DCHS2: variants seen among roughly 807,000 people sequenced by gnomAD.
The protein encoded by DCHS2 is protocadherin-23.
DCHS2 carries 142 observed loss-of-function variants against 182.4 expected under a neutral mutation model. That is an observed-to-expected ratio of 0.78 (90% confidence interval 0.68 to 0.89). The LOEUF is 0.89. Ranked by LOEUF, DCHS2 falls within the 40% of genes least tolerant of loss-of-function variation. DCHS2 has a pLI of 0.00. For synonymous variants in DCHS2, 1,740 were observed against 1,663.3 expected (o/e 1.05, Z -1.12); for missense variants, 4,319 against 4,198.6 (o/e 1.03, Z -0.79).
At chr4:154,249,529 A>C (rs2111132483) in intron 16 of DCHS2, among the ~76,000 whole-genome samples, 1 of 152,296 alleles carries the variant, frequency 6.6e-6, no homozygotes, top group East Asian at 1.9e-4. Context: ...CAAAGAACTT[A>C]CCACAGAGTG....
chr4:154,402,220 A>C (rs113287036), intron 1 of DCHS2, among the ~76,000 whole-genome samples: 1 of 152,136 alleles, frequency 6.6e-6, no homozygotes, highest in South Asian at 2.1e-4. Context: ...CTGCACTCTA[A>C]TTCTGTTCCA....
Position 154,491,279 on chromosome 4 carries a change from G to C in DCHS2, c.77C>G (p.Pro26Arg). The C allele has an allele frequency of 6.5e-7, 1 of 1,549,870 alleles. No individual in the cohort carries two copies. Among genetic ancestry groups the C allele is most frequent in the Non-Finnish European group, 8.7e-7 (1 of 1,145,904 alleles). ...CCCATGGGGTGTATCTCTCCTCCCG[G>C]GGAGCAGAAGGAGCTTCCCGACCGG... ...RAPVGKLLLL[P>R]GRRDTPHGRS... Residue 26 changes from proline to arginine, a missense_variant, in exon 1 of 20, where the codon CCC becomes CGC. Physicochemically the swap from Pro to Arg is moderately radical, Grantham distance 103. Coordinates refer to ENST00000357232, the MANE Select transcript of DCHS2 (RefSeq NM_001358235.2).
At chr4:154,399,654 CAAGGA>C (rs1732076062) in intron 1 of DCHS2, among the ~76,000 whole-genome samples, 1 of 152,166 alleles carries the variant, frequency 6.6e-6, no homozygotes, top group Admixed American at 6.5e-5. Context: ...TTTAATATTT[CAAGGA>C]AATACAAGAC....
chr4:154,424,064 T>C (rs763782609), intron 1 of DCHS2, among the ~76,000 whole-genome samples: 5 of 152,212 alleles, frequency 3.3e-5, no homozygotes, highest in Non-Finnish European at 5.9e-5. Flanking sequence ...AACAAATGCT[T>C]GATGAATTAG....
intron 14 of DCHS2, among the ~76,000 whole-genome samples, chr4:154,263,204 T>C (rs1733068884): frequency 6.6e-6 from 1 of 152,122 alleles, no homozygotes; most frequent in South Asian, 2.1e-4. Flanking sequence ...AGAAAACCTA[T>C]ACAATTAGAT....
intron 1 of DCHS2, among the ~76,000 whole-genome samples, chr4:154,455,762 A>G (rs1338698109): frequency 6.6e-6 from 1 of 152,226 alleles, no homozygotes; most frequent in Non-Finnish European, 1.5e-5. Flanking sequence ...TGGCCACAAA[A>G]GATTACCATG....
At chr4:154,448,788 C>T (rs921621220) in intron 1 of DCHS2, among the ~76,000 whole-genome samples, 2 of 152,172 alleles carry the variant, frequency 1.3e-5, no homozygotes, top group Non-Finnish European at 2.9e-5. Flanking sequence ...GTTTGTTTGC[C>T]GAATGAATTT....
chr4:154,462,546 T>A (rs942076941), intron 1 of DCHS2, among the ~76,000 whole-genome samples: 6 of 152,086 alleles, frequency 3.9e-5, no homozygotes, highest in African/African-American at 1.4e-4. Context: ...GACAGAAGAG[T>A]TGGAAATGGT....
chr4:154,332,211 G>A (rs1218303148), intron 5 of DCHS2, among the ~76,000 whole-genome samples: 1 of 152,226 alleles, frequency 6.6e-6, no homozygotes, highest in East Asian at 1.9e-4. Flanking sequence ...AGATGGGGAT[G>A]TGATGCAGGG....
At chr4:154,256,408 A>G (rs1578866459) in intron 15 of DCHS2, among the ~76,000 whole-genome samples, 1 of 152,066 alleles carries the variant, frequency 6.6e-6, no homozygotes, top group African/African-American at 2.4e-5. Context: ...GTGCTGGGAT[A>G]ACAGGTGTGA....
At chr4:154,415,128 G>A (rs545577349) in intron 1 of DCHS2, among the ~76,000 whole-genome samples, 2 of 152,260 alleles carry the variant, frequency 1.3e-5, no homozygotes, top group African/African-American at 2.4e-5. Context: ...AAGACCGGGA[G>A]GGACCTGATA....
chr4:154,402,506 G>C (rs146376201), intron 1 of DCHS2, among the ~76,000 whole-genome samples: 65 of 152,318 alleles, frequency 4.3e-4, no homozygotes, highest in African/African-American at 1.5e-3. Context: ...ATATTAGTCT[G>C]TTCTCACACT....
chr4:154,326,660 C>T (rs922873935), intron 7 of DCHS2, among the ~76,000 whole-genome samples: 2 of 152,108 alleles, frequency 1.3e-5, no homozygotes, highest in Admixed American at 1.3e-4. Context: ...TATTGATAGT[C>T]CATCTTTTCC....
chr4:154,365,527 G>A (rs1400360846), intron 3 of DCHS2, among the ~76,000 whole-genome samples: 1 of 151,900 alleles, frequency 6.6e-6, no homozygotes, highest in Non-Finnish European at 1.5e-5. Context: ...CTGGAGGACA[G>A]TGGCCTGATC....
In DCHS2 at chr4:154,304,731, T is replaced by G. The variant is rs1284003822; in HGVS notation, c.5543A>C (p.Tyr1848Ser). ...VLENQEPEVV[Y>S]TVLASDMDAG... is the part of the protein sequence containing the mutation. ...ATCCATATCAGAGGCTAAAACCGTA[T>G]AGACAACCTCTGGTTCCTGGTTTTC... The change falls in exon 12 of 20, where the codon TAT becomes TCT. Residue 1848 changes from tyrosine (Y) to serine (S), a missense_variant. Coordinates refer to ENST00000357232, the MANE Select transcript of DCHS2 (RefSeq NM_001358235.2). 5 of 1,613,918 alleles carry G rather than the reference T, an allele frequency of 3.1e-6. No homozygotes were observed. The highest frequency in any genetic ancestry group is 4.2e-6 in the Non-Finnish European group (5 of 1,179,956).
Position 154,240,457 on chromosome 4 carries a change from T to C in DCHS2, c.7359+80A>G, listed in dbSNP as rs1578841772. The C allele has an allele frequency of 8.7e-6, 13 of 1,500,830 alleles. No homozygotes were observed. The East Asian group carries it at 2.8e-4, about 33-fold the overall frequency. 93.0% of individuals were successfully genotyped at this position (1,500,830 alleles called of 1,614,324 possible). On this transcript the variant is annotated intron_variant, in intron 18 of 19. Coordinates refer to ENST00000357232, the MANE Select transcript of DCHS2 (RefSeq NM_001358235.2). ...TGAATGCTGTCTATCTGAATTAGTC[T>C]ATCGGCGATGGAAGACTTACATTAT...
In DCHS2 at chr4:154,235,070, C is replaced by T. The variant is rs778653342; in HGVS notation, c.9582G>A (p.Glu3194=). The T allele has an allele frequency of 3.1e-6, 5 of 1,613,956 alleles. No homozygotes were observed. The highest frequency in any genetic ancestry group is 4.2e-6 in the Non-Finnish European group (5 of 1,179,950). Residue 3194 remains glutamate (E), a synonymous_variant, in exon 20 of 20, where the codon GAG becomes GAA. Transcript: ENST00000357232. The stretch of plus-strand genomic sequence containing the variant: ...CTTTTCTAACGTCAGCCAGGATGCT[C>T]TCTTTTGCCTCTCTCTTCTGAACTG... ...PQTVQKREAK[E]SILADVRKES...
chr4:154,391,134 C>G (rs1356622431), intron 1 of DCHS2: 1 of 1,585,652 alleles, frequency 6.3e-7, no homozygotes, highest in African/African-American at 1.3e-5. Flanking sequence ...CTTATAAAAG[C>G]TGATACTTAT....
rs1033158853 is a variant in DCHS2, at chr4:154,490,825, G to T, written c.531C>A (p.Ser177=). The change falls in exon 1 of 20, where the codon TCC becomes TCA. Residue 177 remains serine, a synonymous_variant. Transcript: ENST00000357232. ...AGGCGGTCCCTGGCGGGCTGAGCTCGGAGACGTCGAGTTGCAGGGAGTCGA... is the reference window on the plus strand; with the variant it reads ...AGGCGGTCCCTGGCGGGCTGAGCTCTGAGACGTCGAGTTGCAGGGAGTCGA... ...FPLDSLQLDV[S]ELSPPGTAFR... 7.1e-6 allele frequency: 11 copies of T among 1,551,482 alleles called. No individual in the cohort carries two copies. In the African/African-American group the frequency reaches 1.5e-4, roughly 21 times the overall value.
Sources: allele counts gnomAD v4.1 joint callset (sites outside exome capture counted in the v4.1 genomes callset), GRCh38; gene constraint gnomAD v4.1.1; transcripts MANE v1.5; gene names NCBI Gene and HGNC (gene_info 2026-07-23, HGNC 2026-07-21).